Variants in CHD1 observed in about 807,000 individuals in gnomAD.
CHD1 encodes chromodomain helicase DNA binding protein 1, also known as ATP-dependent chromatin remodeler CHD1.
Under a neutral mutation model 224.2 loss-of-function variants are expected in CHD1, and 36 were observed. The observed-to-expected ratio is 0.16, with a 90% CI of 0.12 to 0.21. CHD1 has a LOEUF of 0.21. Among genes scored for constraint, CHD1 ranks in the 10% least tolerant of loss-of-function variants. The probability of loss-of-function intolerance (pLI) is 1.00; values close to 1 mark genes in which losing one functional copy is unlikely to be tolerated. For synonymous variants in CHD1, 668 were observed against 658.3 expected (o/e 1.01, Z -0.23); for missense variants, 1,378 against 1,994.8 (o/e 0.69, Z 5.89).
At chr5:98,864,126 G>A (rs1345067654) in intron 31 of CHD1, among the ~76,000 whole-genome samples, 1 of 152,060 alleles carries the variant, frequency 6.6e-6, no homozygotes, top group African/African-American at 2.4e-5. Flanking sequence ...TTTTTCCTTG[G>A]CCTGTACATT....
intron 12 of CHD1, among the ~76,000 whole-genome samples, chr5:98,895,462 T>G (rs962500998): frequency 2.0e-5 from 3 of 152,100 alleles, no homozygotes; most frequent in Non-Finnish European, 2.9e-5. Flanking sequence ...CCATTAAAAA[T>G]GTAAAATAGG....
intron 31 of CHD1, among the ~76,000 whole-genome samples, chr5:98,864,627 T>C (rs558784910): frequency 6.6e-6 from 1 of 151,402 alleles, no homozygotes; most frequent in African/African-American, 2.4e-5. Context: ...CCCAGGAGAC[T>C]GTAATGAGCT....
rs70984334 is a variant in CHD1, at chr5:98,917,299, C to CAAAAAAAAAAAAAAAAAAAAAAAAA, written c.53+9034_53+9035insTTTTTTTTTTTTTTTTTTTTTTTTT. On this transcript the variant is annotated intron_variant, in intron 2 of 35. Coordinates refer to ENST00000614616, the MANE Select transcript of CHD1 (RefSeq NM_001270.4). ...GCCCATCCCTCCAAAAACAAAGAAA[C>CAAAAAAAAAAAAAAAAAAAAAAAAA]AAAAAAAAAAAACAACCTCTTAATT... is the stretch of plus-strand genomic sequence containing the variant. Among the ~76,000 whole-genome samples the CAAAAAAAAAAAAAAAAAAAAAAAAA allele has an allele frequency of 8.5e-4, 102 of 119,788 alleles. 2 individuals carry two copies. Among genetic ancestry groups the CAAAAAAAAAAAAAAAAAAAAAAAAA allele is most frequent in the Non-Finnish European group, 9.5e-4 (58 of 61,328 alleles). 78.6% of individuals were successfully genotyped at this position (119,788 alleles called of 152,430 possible). A position where few individuals can be genotyped will look rare whatever the true frequency, so the allele number is the denominator to read the frequency against.
rs1561486477 is a variant in CHD1 at position 98,868,655 on chromosome 5, A to C, written c.4108-20T>G. On this transcript the variant is annotated intron_variant, in intron 30 of 35. Transcript: ENST00000614616. ...ACTCAACTAAAGAAAAAGTGAAAAG[A>C]AAACAAAAACAAAACCCCAATAGCA... The C allele has an allele frequency of 8.5e-6, 13 of 1,522,926 alleles. No homozygotes were observed. The highest frequency in any genetic ancestry group is 1.1e-5 in the Non-Finnish European group (12 of 1,137,104). 94.3% of individuals were successfully genotyped at this position (1,522,926 alleles called of 1,614,324 possible).
chr5:98,888,239 T>C lies in CHD1; in HGVS notation c.2345A>G (p.His782Arg). Residue 782 changes from histidine (H) to arginine (R), a missense_variant and splice_region_variant, in exon 17 of 36, where the codon CAC becomes CGC. By Grantham distance (29) the His-to-Arg change is conservative. Coordinates refer to ENST00000614616, the MANE Select transcript of CHD1 (RefSeq NM_001270.4). ...EFYNKQEALQ[H>R]LIRSSGKLIL... Reference sequence around the variant, plus strand: ...CAATTTTCCGCTACTACGAATTAAGTGCTACAGAAACAATTCAAGTTGTTA... The same window carrying C: ...CAATTTTCCGCTACTACGAATTAAGCGCTACAGAAACAATTCAAGTTGTTA... 1 of 1,604,636 alleles carries C rather than the reference T, an allele frequency of 6.2e-7. No individual in the cohort carries two copies. The highest frequency in any genetic ancestry group is 2.2e-5 in the East Asian group (1 of 44,610).
At chr5:98,925,616 T>C (rs146818580) in intron 2 of CHD1, among the ~76,000 whole-genome samples, 1 of 152,220 alleles carries the variant, frequency 6.6e-6, no homozygotes, top group African/African-American at 2.4e-5. Flanking sequence ...AACTCAAAAT[T>C]TGAGAGCTAC....
intron 3 of CHD1, 74 bp downstream of exon 3, chr5:98,904,823 G>A: frequency 3.1e-6 from 4 of 1,276,216 alleles, no homozygotes; most frequent in Non-Finnish European, 4.6e-6. Flanking sequence ...ATTAAGAATG[G>A]TATAAACCAA....
intron 33 of CHD1, 76 bp from the exon 34 acceptor site, chr5:98,859,091 A>C: frequency 9.1e-6 from 10 of 1,093,086 alleles, no homozygotes; most frequent in Middle Eastern, 4.1e-4. Context: ...TAATTCTTAG[A>C]AAATACTGAT....
At chr5:98,887,853 A>G (rs1332088959) in intron 17 of CHD1, among the ~76,000 whole-genome samples, 1 of 152,206 alleles carries the variant, frequency 6.6e-6, no homozygotes, top group Non-Finnish European at 1.5e-5. Flanking sequence ...AGAAAAAGAC[A>G]GAATTAAAAG....
intron 15 of CHD1, 119 bp downstream of exon 15, chr5:98,892,406 G>A (rs1014607102): frequency 1.1e-5 from 7 of 617,014 alleles, no homozygotes; most frequent in South Asian, 3.9e-5. Context: ...TCTGAAACTC[G>A]AGAATTGCAA....
chr5:98,868,643 A>C lies in CHD1; in HGVS notation c.4108-8T>G. ...AGACTTGGATTCACTCAACTAAAGA[A>C]AAAGTGAAAAGAAAACAAAAACAAA... On this transcript the variant is annotated splice_polypyrimidine_tract_variant and splice_region_variant and intron_variant, in intron 30 of 35. Coordinates refer to ENST00000614616, the MANE Select transcript of CHD1 (RefSeq NM_001270.4). 1 of 1,537,020 alleles carries C rather than the reference A, an allele frequency of 6.5e-7. No individual in the cohort carries two copies. Among genetic ancestry groups the C allele is most frequent in the Non-Finnish European group, 8.7e-7 (1 of 1,144,184 alleles).
intron 17 of CHD1, among the ~76,000 whole-genome samples, chr5:98,887,371 G>C (rs1394905772): frequency 1.2e-4 from 18 of 152,066 alleles, no homozygotes; most frequent in South Asian, 2.1e-4. Flanking sequence ...AGCAGGGATT[G>C]TGTGTTCAGT....
intron 24 of CHD1, 152 bp downstream of exon 24, chr5:98,876,246 T>TA (rs1749746166): frequency 5.6e-6 from 4 of 715,092 alleles, no homozygotes; most frequent in Non-Finnish European, 7.0e-6. Context: ...TTATAACAAA[T>TA]ACCCAAAAGC....
intron 13 of CHD1, among the ~76,000 whole-genome samples, chr5:98,894,365 A>T (rs1200969018): frequency 1.3e-5 from 2 of 152,190 alleles, no homozygotes; most frequent in African/African-American, 4.8e-5. Context: ...AATATTTCAG[A>T]CTTTGCAGAT....
chr5:98,863,344 CAA>C (rs35183210), intron 32 of CHD1, 62 bp downstream of exon 32: 8,806 of 782,620 alleles, frequency 0.011, no homozygotes, highest in Middle Eastern at 0.022. Context: ...GGAAAGAAAA[CAA>C]AAAAAAAAAA....
chr5:98,904,809 C>T (rs952184102), intron 3 of CHD1, 88 bp downstream of exon 3: 16 of 1,140,758 alleles, frequency 1.4e-5, no homozygotes, highest in Non-Finnish European at 2.0e-5. Context: ...TCTCTAAAAG[C>T]TAGATTAAGA....
At chr5:98,897,703 G>T (rs1751431961) in intron 10 of CHD1, among the ~76,000 whole-genome samples, 1 of 152,102 alleles carries the variant, frequency 6.6e-6, no homozygotes, top group Non-Finnish European at 1.5e-5. Flanking sequence ...TTATCCCTAT[G>T]AAGAATGTAA....
At chr5:98,886,560 C>T (rs1473411780) in intron 17 of CHD1, among the ~76,000 whole-genome samples, 6 of 152,052 alleles carry the variant, frequency 3.9e-5, no homozygotes, top group Admixed American at 1.3e-4. Context: ...ATTTAACCGA[C>T]GAATTAAACT....
At chr5:98,919,934 G>A (rs1209041209) in intron 2 of CHD1, among the ~76,000 whole-genome samples, 2 of 152,080 alleles carry the variant, frequency 1.3e-5, no homozygotes, top group Non-Finnish European at 2.9e-5. Flanking sequence ...TGGAACCAAG[G>A]CTCCTTGGAG....
Sources: allele counts gnomAD v4.1 joint callset (sites outside exome capture counted in the v4.1 genomes callset), GRCh38; gene constraint gnomAD v4.1.1; transcripts MANE v1.5; gene names NCBI Gene and HGNC (gene_info 2026-07-23, HGNC 2026-07-21).